CHRM2: variants seen among roughly 807,000 people sequenced by gnomAD.
CHRM2 encodes cholinergic receptor muscarinic 2, also known as muscarinic acetylcholine receptor M2.
CHRM2 carries 8 observed loss-of-function variants against 25.0 expected under a neutral mutation model. That is an observed-to-expected ratio of 0.32 (90% CI 0.19 to 0.58). The LOEUF (loss-of-function observed/expected upper bound fraction) is 0.58. Ranked by LOEUF, CHRM2 falls within the 20% of genes least tolerant of loss-of-function variation. The probability of loss-of-function intolerance (pLI) is 0.88; values close to 1 mark genes in which losing one functional copy is unlikely to be tolerated. For synonymous variants in CHRM2, 202 were observed against 205.7 expected, an observed-to-expected ratio of 0.98 and a Z score of 0.15; for missense variants, 440 against 567.1, an observed-to-expected ratio of 0.78 and a Z score of 2.28.
At chr7:136,908,314 G>A (rs762709252) in intron 2 of CHRM2, among the ~76,000 whole-genome samples, 22 of 151,812 alleles carry the variant, frequency 1.4e-4, no homozygotes, top group Non-Finnish European at 2.8e-4. Context: ...GAATAGTTAC[G>A]AGGCTCTTAT....
intron 2 of CHRM2, among the ~76,000 whole-genome samples, chr7:136,971,667 A>G (rs974357979): frequency 2.0e-5 from 3 of 151,990 alleles, no homozygotes; most frequent in Admixed American, 6.6e-5. Context: ...GTGAAAATGT[A>G]ACAGAAAAAT....
chr7:136,986,065 A>T (rs1271961989), intron 2 of CHRM2, among the ~76,000 whole-genome samples: 1 of 152,140 alleles, frequency 6.6e-6, no homozygotes, highest in Non-Finnish European at 1.5e-5. Context: ...GACCCGTCCT[A>T]TCATCATCCC....
chr7:136,898,776 A>G (rs1431144991), intron 2 of CHRM2: 7 of 152,114 alleles, frequency 4.6e-5, no homozygotes, highest in African/African-American at 9.7e-5. Context: ...ACAAAGTAGT[A>G]TATCAAAAGA....
At chr7:136,889,047 C>CAAAA (rs56915229) in intron 2 of CHRM2, among the ~76,000 whole-genome samples, 1,753 of 66,442 alleles carry the variant, frequency 0.026, 102 homozygotes, top group Non-Finnish European at 0.032. Flanking sequence ...GACTACATCT[C>CAAAA]AAAAAAAAAA....
chr7:136,984,811 A>G (rs1802737077), intron 2 of CHRM2, among the ~76,000 whole-genome samples: 1 of 151,130 alleles, frequency 6.6e-6, no homozygotes, highest in South Asian at 2.1e-4. Context: ...TGAATCTGGT[A>G]CCTCAGTTGG....
At chr7:136,988,104 T>C (rs1163083758) in intron 2 of CHRM2, among the ~76,000 whole-genome samples, 1 of 150,928 alleles carries the variant, frequency 6.6e-6, no homozygotes, top group Admixed American at 6.6e-5. Flanking sequence ...TATATGTATA[T>C]TTAGATATAT....
intron 2 of CHRM2, among the ~76,000 whole-genome samples, chr7:136,896,338 G>A (rs1796900949): frequency 6.6e-6 from 1 of 152,140 alleles, no homozygotes; most frequent in South Asian, 2.1e-4. Flanking sequence ...ACTGTGAAAG[G>A]TTAGAGTAAA....
intron 2 of CHRM2, among the ~76,000 whole-genome samples, chr7:136,905,301 CAT>C (rs1242088424): frequency 1.3e-5 from 2 of 151,782 alleles, no homozygotes; most frequent in African/African-American, 4.8e-5. Context: ...TATACACACA[CAT>C]GCACACAAAA....
At chr7:136,871,641 T>C (rs1005866460) in intron 2 of CHRM2, 1 of 152,434 alleles carries the variant, frequency 6.6e-6, no homozygotes, top group Non-Finnish European at 1.5e-5. Context: ...ATGATGGTAT[T>C]TTTAAACAGA....
intron 2 of CHRM2, among the ~76,000 whole-genome samples, chr7:136,911,856 A>C (rs1324437806): frequency 6.6e-6 from 1 of 151,930 alleles, no homozygotes. Flanking sequence ...TATTGTGTGT[A>C]AAGGAGGATC....
chr7:136,985,504 CAAAAAAA>C (rs974105875), intron 2 of CHRM2, among the ~76,000 whole-genome samples: 2 of 59,756 alleles, frequency 3.3e-5, no homozygotes, highest in African/African-American at 1.5e-4. Context: ...AGTTAGACTC[CAAAAAAA>C]AAAAAAAAAA....
chr7:136,919,052 A>G (rs548046570), intron 2 of CHRM2, among the ~76,000 whole-genome samples: 22 of 152,256 alleles, frequency 1.4e-4, no homozygotes, highest in African/African-American at 5.3e-4. Flanking sequence ...CGTGGCAGAA[A>G]AGAATCGGCC....
At chr7:136,908,129 C>T (rs1368295137) in intron 2 of CHRM2, among the ~76,000 whole-genome samples, 1 of 151,806 alleles carries the variant, frequency 6.6e-6, no homozygotes, top group Non-Finnish European at 1.5e-5. Context: ...CTTAGTATGC[C>T]TGAAATTCTA....
intron 2 of CHRM2, among the ~76,000 whole-genome samples, chr7:136,988,895 T>C (rs2131008557): frequency 6.6e-6 from 1 of 152,180 alleles, no homozygotes; most frequent in Non-Finnish European, 1.5e-5. Flanking sequence ...TATATATTTA[T>C]ACAAATAAAT....
chr7:136,973,622 G>T (rs796897419), intron 2 of CHRM2, among the ~76,000 whole-genome samples: 5 of 19,570 alleles, frequency 2.6e-4, no homozygotes, highest in Middle Eastern at 0.031. Context: ...TAGGGATGGT[G>T]GTAGGTGATG....
intron 2 of CHRM2, among the ~76,000 whole-genome samples, chr7:136,932,907 G>A (rs1799189205): frequency 6.6e-6 from 1 of 152,098 alleles, no homozygotes; most frequent in Non-Finnish European, 1.5e-5. Context: ...GCGTGCACCT[G>A]TAGTCCCAGC....
chr7:136,988,978 T>A lies in CHRM2; in HGVS notation c.-124-3209T>A, dbSNP rs1042589044. 5.9e-5 allele frequency among the ~76,000 whole-genome samples: 9 copies of A among 152,076 alleles called. No individual in the cohort carries two copies. The South Asian group carries it at 1.9e-3, about 32-fold the overall frequency. ...GAAAATATTTTAAATACTTTTAGAA[T>A]TTTACAGTCTTCCCACCAAACCTAT... is the stretch of plus-strand genomic sequence containing the variant. On this transcript the variant is annotated intron_variant, in intron 2 of 3. Coordinates refer to ENST00000680005, the MANE Select transcript of CHRM2 (RefSeq NM_001006630.2).
At chr7:136,950,335 A>G (rs1800332042) in intron 2 of CHRM2, among the ~76,000 whole-genome samples, 1 of 152,124 alleles carries the variant, frequency 6.6e-6, no homozygotes, top group Non-Finnish European at 1.5e-5. Context: ...GATACAAATC[A>G]TAATGGGGAT....
chr7:137,003,878 T>A (rs1804237584), intron 3 of CHRM2, among the ~76,000 whole-genome samples: 1 of 152,120 alleles, frequency 6.6e-6, no homozygotes, highest in African/African-American at 2.4e-5. Flanking sequence ...CAGTGAGTTC[T>A]CATGAGATCT....
Sources: gnomAD v4.1 joint callset for allele counts (sites outside exome capture counted in the v4.1 genomes callset) on GRCh38, gnomAD v4.1.1 for gene constraint, MANE v1.5 for transcripts, NCBI Gene and HGNC (gene_info 2026-07-23, HGNC 2026-07-21) for gene names.